Variants in PLXNA4 observed in about 807,000 individuals in gnomAD.
The protein encoded by PLXNA4 is plexin-A4.
A neutral mutation model predicts 191.8 loss-of-function variants in PLXNA4; 44 were observed. That is an observed-to-expected ratio of 0.23 (90% CI 0.18 to 0.29). The LOEUF is 0.29. Ranked by LOEUF, PLXNA4 falls within the 10% of genes least tolerant of loss-of-function variation. PLXNA4 has a pLI of 1.00. For synonymous variants in PLXNA4, 1,082 were observed against 1,009.5 expected, an observed-to-expected ratio of 1.07 and a Z score of -1.36; for missense variants, 1,800 against 2,488.8, an observed-to-expected ratio of 0.72 and a Z score of 5.89.
intron 21 of PLXNA4, 81 bp downstream of exon 21, chr7:132,174,697 A>T (rs1796400475): frequency 3.8e-6 from 6 of 1,561,084 alleles, no homozygotes; most frequent in Non-Finnish European, 2.6e-6. Context: ...TAGTTTTCTC[A>T]CCTCCGAAAG....
intron 3 of PLXNA4, among the ~76,000 whole-genome samples, chr7:132,344,826 A>C (rs911470129): frequency 2.6e-5 from 4 of 152,188 alleles, no homozygotes; most frequent in African/African-American, 7.2e-5. Context: ...CTAGGGAATA[A>C]TAACATCTGC....
rs569572916 is a variant in PLXNA4 at position 132,417,977 on chromosome 7, G to A, written c.1371+71315C>T. On this transcript the variant is annotated intron_variant, in intron 3 of 31. Transcript: ENST00000321063. The stretch of plus-strand genomic sequence containing the variant: ...TCACTTTGGTTTATTTGGACAAAAC[G>A]CTTCTAATTCATTATTCCTCCTGTG... 2.8e-4 allele frequency among the ~76,000 whole-genome samples: 43 copies of A among 152,170 alleles called. No homozygotes were observed. The South Asian group carries it at 7.3e-3, about 26-fold the overall frequency.
chr7:132,184,069 TAA>T (rs1796798132), intron 16 of PLXNA4, among the ~76,000 whole-genome samples: 1 of 152,084 alleles, frequency 6.6e-6, no homozygotes, highest in African/African-American at 2.4e-5. Flanking sequence ...ATCCCTGGAT[TAA>T]AAAAAGATTG....
At chr7:132,218,540 AT>A (rs1309371599) in intron 9 of PLXNA4, among the ~76,000 whole-genome samples, 2 of 152,234 alleles carry the variant, frequency 1.3e-5, no homozygotes, top group African/African-American at 4.8e-5. Flanking sequence ...TCAAGGACAA[AT>A]TCTTGCCAAT....
chr7:132,145,329 T>C (rs370907923), intron 28 of PLXNA4, 41 bp from the exon 29 acceptor site: 164 of 1,610,462 alleles, frequency 1.0e-4, no homozygotes, highest in Admixed American at 5.2e-4. Flanking sequence ...TCGACTCACG[T>C]AGTTCTGAGG....
At chr7:132,191,995 G>A (rs934054324) in intron 14 of PLXNA4, among the ~76,000 whole-genome samples, 8 of 152,158 alleles carry the variant, frequency 5.3e-5, no homozygotes, top group Middle Eastern at 3.4e-3. Flanking sequence ...AAAATGACTC[G>A]TCCATGAACC....
chr7:132,331,009 C>T (rs1319684800), intron 3 of PLXNA4, among the ~76,000 whole-genome samples: 1 of 152,174 alleles, frequency 6.6e-6, no homozygotes, highest in Non-Finnish European at 1.5e-5. Flanking sequence ...GTTCAAGGCT[C>T]CATTCGTGTC....
chr7:132,347,303 G>A (rs749247639), intron 3 of PLXNA4, among the ~76,000 whole-genome samples: 1 of 152,192 alleles, frequency 6.6e-6, no homozygotes, highest in Non-Finnish European at 1.5e-5. Flanking sequence ...TATGAGGCGG[G>A]AAGCAGCAAT....
At chr7:132,243,964 C>T (rs1401353232) in intron 4 of PLXNA4, among the ~76,000 whole-genome samples, 1 of 152,046 alleles carries the variant, frequency 6.6e-6, no homozygotes, top group Admixed American at 6.6e-5. Flanking sequence ...GCCCCTAAGC[C>T]ATTCATTGCT....
intron 4 of PLXNA4, among the ~76,000 whole-genome samples, chr7:132,296,281 T>A (rs991603799): frequency 1.3e-5 from 2 of 152,136 alleles, no homozygotes; most frequent in African/African-American, 4.8e-5. Context: ...GTGACCACAT[T>A]ACCCATCCAA....
chr7:132,292,947 A>C (rs1800946440), intron 4 of PLXNA4, among the ~76,000 whole-genome samples: 2 of 152,182 alleles, frequency 1.3e-5, no homozygotes, highest in Non-Finnish European at 2.9e-5. Context: ...ACAGCAGAGG[A>C]AACAGTAAGC....
chr7:132,236,884 G>A (rs1798720827), intron 5 of PLXNA4, among the ~76,000 whole-genome samples: 1 of 152,096 alleles, frequency 6.6e-6, no homozygotes, highest in Non-Finnish European at 1.5e-5. Context: ...CTCCTGCTGA[G>A]CCCACTTCCT....
intron 4 of PLXNA4, among the ~76,000 whole-genome samples, chr7:132,274,705 T>C (rs1800205529): frequency 6.6e-6 from 1 of 151,858 alleles, no homozygotes; most frequent in Non-Finnish European, 1.5e-5. Flanking sequence ...ATGATTAGAA[T>C]GAGTTATATA....
intron 3 of PLXNA4, among the ~76,000 whole-genome samples, chr7:132,479,677 T>A (rs1797264562): frequency 6.6e-6 from 1 of 152,156 alleles, no homozygotes; most frequent in Non-Finnish European, 1.5e-5. Context: ...TGGGATAGGG[T>A]CTCACTCTGT....
At chr7:132,553,352 G>A (rs962658631) in intron 1 of PLXNA4, among the ~76,000 whole-genome samples, 1 of 152,148 alleles carries the variant, frequency 6.6e-6, no homozygotes, top group African/African-American at 2.4e-5. Context: ...GCCCCCAGGA[G>A]GTTCATAACA....
intron 25 of PLXNA4, among the ~76,000 whole-genome samples, chr7:132,151,298 A>AAGGAGGAGGAAGAAGGAGGAGG (rs1795598778): frequency 3.2e-5 from 1 of 31,644 alleles, no homozygotes; most frequent in African/African-American, 8.3e-5. Context: ...GAGGAAGAAG[A>AAGGAGGAGGAAGAAGGAGGAGG]AGGAGGAGGA....
chr7:132,298,085 C>G lies in PLXNA4; in HGVS notation c.1503+6G>C. ...CAAATGTCTAGCGGAGCCCGAAGAG[C>G]CTTACCTGCCTCTCTGACATGATGT... On this transcript the variant is annotated splice_donor_region_variant and intron_variant, in intron 4 of 31. Transcript: ENST00000321063. The G allele has an allele frequency of 6.2e-7, 1 of 1,614,140 alleles. No individual in the cohort carries two copies. Among genetic ancestry groups the G allele is most frequent in the South Asian group, 1.1e-5 (1 of 91,084 alleles).
intron 3 of PLXNA4, chr7:132,485,148 G>A (rs748757888): frequency 4.6e-5 from 59 of 1,286,344 alleles, no homozygotes; most frequent in Non-Finnish European, 6.0e-5. Flanking sequence ...TCATGGGAAT[G>A]TGCACCCAGT....
chr7:132,321,908 A>G (rs1802183893), intron 3 of PLXNA4, among the ~76,000 whole-genome samples: 1 of 152,218 alleles, frequency 6.6e-6, no homozygotes, highest in Admixed American at 6.5e-5. Context: ...CTCCACCCCC[A>G]GAAGAAGGTA....
Sources: allele counts gnomAD v4.1 joint callset (sites outside exome capture counted in the v4.1 genomes callset), GRCh38; gene constraint gnomAD v4.1.1; transcripts MANE v1.5; gene names NCBI Gene and HGNC (gene_info 2026-07-23, HGNC 2026-07-21).